The following CA5A variants were observed in gnomAD, a reference collection of about 807,000 sequenced individuals.
The protein encoded by CA5A is carbonic anhydrase 5A.
Under a neutral mutation model 37.1 loss-of-function variants are expected in CA5A, and 28 were observed. The observed-to-expected ratio is 0.75, with a 90% CI of 0.56 to 1.03. The LOEUF is 1.03. Among genes scored for constraint, CA5A ranks in the 50% least tolerant of loss-of-function variants. CA5A has a pLI of 0.00. For missense variants in CA5A, 444 were observed against 399.9 expected, an observed-to-expected ratio of 1.11 and a Z score of -0.94; for synonymous variants, 171 against 158.4, an observed-to-expected ratio of 1.08 and a Z score of -0.60.
At chr16:87,930,334 C>T (rs80093362) in intron 1 of CA5A, among the ~76,000 whole-genome samples, 2,571 of 152,306 alleles carry the variant, frequency 0.017, 75 homozygotes, top group African/African-American at 0.058. Context: ...CCAGCAAGCT[C>T]GCTGCAGTCT....
downstream of CA5A, chr16:87,888,000 TC>T: frequency 7.2e-7 from 1 of 1,393,384 alleles, no homozygotes; most frequent in Non-Finnish European, 9.6e-7. Flanking sequence ...GAAAAGTACT[TC>T]GACTAAAACA....
intron 5 of CA5A, among the ~76,000 whole-genome samples, chr16:87,901,537 C>T (rs944711127): frequency 5.3e-5 from 8 of 152,220 alleles, no homozygotes; most frequent in African/African-American, 9.6e-5. Flanking sequence ...GCAAATGAAT[C>T]GCTGCACTAA....
intron 2 of CA5A, among the ~76,000 whole-genome samples, chr16:87,917,775 CACAT>C (rs1304391638): frequency 6.6e-5 from 9 of 135,724 alleles, no homozygotes; most frequent in African/African-American, 2.2e-4. Context: ...CACATGTGCA[CACAT>C]GCACACATGT....
rs575678175 is a variant in CA5A, at chr16:87,924,791, T to C, written c.340+1957A>G. On this transcript the variant is annotated intron_variant, in intron 2 of 6. Coordinates refer to ENST00000649794, the MANE Select transcript of CA5A (RefSeq NM_001739.2). ...GGTGAGCGTGGGGGCAGCGTCCCGC[T>C]TGTTGGTCCCGCTTGGATAACGCAG... Among the ~76,000 whole-genome samples the C allele has an allele frequency of 3.3e-5, 5 of 152,114 alleles. No homozygotes were observed. In the East Asian group the frequency reaches 9.6e-4, roughly 29 times the overall value.
chr16:87,931,919 T>A (rs1477457233), intron 1 of CA5A, among the ~76,000 whole-genome samples: 6 of 151,092 alleles, frequency 4.0e-5, no homozygotes, highest in Non-Finnish European at 8.9e-5. Context: ...CCAGCAGCCC[T>A]GAACTTCCAT....
chr16:87,925,274 C>G (rs182032996), intron 2 of CA5A, among the ~76,000 whole-genome samples: 1 of 152,096 alleles, frequency 6.6e-6, no homozygotes, highest in Non-Finnish European at 1.5e-5. Flanking sequence ...CTACATTCAG[C>G]AAAAGGACGC....
At chr16:87,900,708 C>T (rs1441635910) in intron 5 of CA5A, among the ~76,000 whole-genome samples, 2 of 152,228 alleles carry the variant, frequency 1.3e-5, no homozygotes, top group South Asian at 2.1e-4. Context: ...GATCGCTGGG[C>T]GGAGAGCTGC....
chr16:87,885,232 C>T (rs75881314), downstream of CA5A: 223 of 163,314 alleles, frequency 1.4e-3, 8 homozygotes, highest in East Asian at 0.033. Flanking sequence ...AAGGCAGCCC[C>T]AGAGTGGGAG....
intron 2 of CA5A, among the ~76,000 whole-genome samples, chr16:87,916,850 C>T (rs1039236704): frequency 6.6e-6 from 1 of 152,056 alleles, no homozygotes; most frequent in Non-Finnish European, 1.5e-5. Flanking sequence ...CGCCTGTAAT[C>T]CCAGCACTTT....
In CA5A at chr16:87,895,470, G is replaced by A. The variant is rs569095570; in HGVS notation, c.619-3516C>T. Among the ~76,000 whole-genome samples, 16 of 152,160 alleles carry A rather than the reference G, an allele frequency of 1.1e-4. No homozygotes were observed. The South Asian group carries it at 2.1e-3, about 20-fold the overall frequency. ...TGAGGCAGGAGAATCACTTAAACCC[G>A]GGAGGCAGAGGTTGCAGTGAGCTGA... On this transcript the variant is annotated intron_variant, in intron 5 of 6. Coordinates refer to ENST00000649794, the MANE Select transcript of CA5A (RefSeq NM_001739.2).
intron 1 of CA5A, among the ~76,000 whole-genome samples, chr16:87,932,122 A>G (rs903583703): frequency 6.6e-6 from 1 of 152,098 alleles, no homozygotes; most frequent in African/African-American, 2.4e-5. Flanking sequence ...CTAAGAAAAA[A>G]AAAAGCCCCT....
In CA5A at chr16:87,891,951, C is replaced by G; in HGVS notation, c.622G>C (p.Ala208Pro). 1 of 1,534,222 alleles carries G rather than the reference C, an allele frequency of 6.5e-7. No individual in the cohort carries two copies. Among genetic ancestry groups the G allele is most frequent in the Non-Finnish European group, 8.8e-7 (1 of 1,141,612 alleles). The change falls in exon 6 of 7, where the codon GCG (alanine) becomes CCG (proline). Residue 208 changes from alanine to proline, a missense_variant. Transcript: ENST00000649794. Reference sequence around the variant, plus strand: ...TCGAAGGGGCGCATGGCCGCCCGCGCGTCCTGAGAGACCGAGAAGCACAGG... The same window carrying G: ...TCGAAGGGGCGCATGGCCGCCCGCGGGTCCTGAGAGACCGAGAAGCACAGG... ...DILPEIKHKD[A>P]RAAMRPFDPS...
chr16:87,902,106 C>A, intron 4 of CA5A, 132 bp from the exon 5 acceptor site: 1 of 817,580 alleles, frequency 1.2e-6, no homozygotes, highest in Non-Finnish European at 2.1e-6. Flanking sequence ...GTGATCCTAG[C>A]ACTGTGGGAG....
rs1450242819 is a variant in CA5A, at chr16:87,936,372, A to T, written c.79T>A (p.Ser27Thr). 13 of 1,613,992 alleles carry T rather than the reference A, an allele frequency of 8.1e-6. No homozygotes were observed. Among genetic ancestry groups the T allele is most frequent in the Non-Finnish European group, 9.3e-6 (11 of 1,179,948 alleles). Reference sequence around the variant, plus strand: ...GAACACCATCGCCCTGGCCTCATCGAACGACTCCAGAGAGGGGCCCACATC... The same window carrying T: ...GAACACCATCGCCCTGGCCTCATCGTACGACTCCAGAGAGGGGCCCACATC... ...EQMWAPLWSR[S>T]MRPGRWCSQR... Residue 27 changes from serine to threonine, a missense_variant, in exon 1 of 7, where the codon TCG becomes ACG. Transcript: ENST00000649794.
At chr16:87,891,447 G>A (rs1393460193) in intron 6 of CA5A, among the ~76,000 whole-genome samples, 3 of 149,212 alleles carry the variant, frequency 2.0e-5, no homozygotes, top group Non-Finnish European at 4.4e-5. Flanking sequence ...CAGCCTGGGC[G>A]ATAGAACGAG....
chr16:87,908,688 G>T (rs2056001475), intron 2 of CA5A, among the ~76,000 whole-genome samples: 1 of 152,232 alleles, frequency 6.6e-6, no homozygotes, highest in Non-Finnish European at 1.5e-5. Flanking sequence ...TGCAGGGTAA[G>T]GTGCTGTGCT....
intron 1 of CA5A, among the ~76,000 whole-genome samples, chr16:87,929,168 C>G (rs183131492): frequency 6.7e-6 from 1 of 149,840 alleles, no homozygotes; most frequent in African/African-American, 2.4e-5. Context: ...ATGTATAGCC[C>G]TGGCTGGGCG....
chr16:87,923,065 A>G (rs538310585), intron 2 of CA5A, among the ~76,000 whole-genome samples: 32 of 152,334 alleles, frequency 2.1e-4, no homozygotes, highest in African/African-American at 7.5e-4. Context: ...GGCTCCTTGT[A>G]CTAGGTCACT....
At chr16:87,912,564 C>G (rs1050291886) in intron 2 of CA5A, among the ~76,000 whole-genome samples, 2 of 152,216 alleles carry the variant, frequency 1.3e-5, no homozygotes, top group Non-Finnish European at 2.9e-5. Context: ...GTGCCGGGCA[C>G]CACGCTCAGT....
Sources: gnomAD v4.1 joint callset for allele counts (sites outside exome capture counted in the v4.1 genomes callset) on GRCh38, gnomAD v4.1.1 for gene constraint, MANE v1.5 for transcripts, NCBI Gene and HGNC (gene_info 2026-07-23, HGNC 2026-07-21) for gene names.